GAN: variants seen among roughly 807,000 people sequenced by gnomAD.
GAN encodes the protein gigaxonin.
Under a neutral mutation model 71.3 loss-of-function variants are expected in GAN, and 48 were observed. The ratio of observed to expected loss-of-function variants is 0.67; its 90% CI spans 0.53 to 0.86. GAN has a LOEUF of 0.86. Among genes scored for constraint, GAN ranks in the 40% least tolerant of loss-of-function variants. The pLI is 0.00. For synonymous variants in GAN, 386 were observed against 276.8 expected (o/e 1.39, Z -3.92); for missense variants, 928 against 770.1 (o/e 1.21, Z -2.43).
intron 1 of GAN, among the ~76,000 whole-genome samples, chr16:81,344,413 A>T (rs773925348): frequency 6.6e-6 from 1 of 152,186 alleles, no homozygotes; most frequent in Non-Finnish European, 1.5e-5. Context: ...ACTGGTACCA[A>T]ACAGATATAT....
intron 1 of GAN, among the ~76,000 whole-genome samples, chr16:81,335,691 G>C (rs1366645633): frequency 7.0e-6 from 1 of 142,756 alleles, no homozygotes; most frequent in East Asian, 2.1e-4. Context: ...AGGTTGCAGT[G>C]AGCCAAGATC....
chr16:81,335,688 A>C (rs1213405473), intron 1 of GAN, among the ~76,000 whole-genome samples: 1 of 146,116 alleles, frequency 6.8e-6, no homozygotes, highest in African/African-American at 2.6e-5. Flanking sequence ...CGGAGGTTGC[A>C]GTGAGCCAAG....
intron 5 of GAN, among the ~76,000 whole-genome samples, chr16:81,359,348 T>C (rs1378379192): frequency 6.6e-6 from 1 of 152,024 alleles, no homozygotes; most frequent in East Asian, 1.9e-4. Context: ...TACAGTGGAA[T>C]TGATGGAAAC....
chr16:81,366,879 C>T (rs932120952), intron 9 of GAN, among the ~76,000 whole-genome samples: 2 of 152,078 alleles, frequency 1.3e-5, no homozygotes, highest in Admixed American at 6.5e-5. Flanking sequence ...GGCTAGAGTG[C>T]AGTGGCGTGA....
chr16:81,315,339 CGGCCGGGCCGGGCGT>C, intron 1 of GAN, 59 bp downstream of exon 1: 1 of 1,229,722 alleles, frequency 8.1e-7, no homozygotes, highest in Non-Finnish European at 1.0e-6. Context: ...GGAGGCGGGG[CGGCCGGGCCGGGCGT>C]GGCCCCCAGA....
At chr16:81,359,884 C>G (rs949092604) in intron 5 of GAN, among the ~76,000 whole-genome samples, 3 of 152,224 alleles carry the variant, frequency 2.0e-5, no homozygotes, top group African/African-American at 7.2e-5. Context: ...TGGTCTCTCT[C>G]AAAATATCTT....
Position 81,346,653 on chromosome 16 carries a change from G to C in GAN, c.168-4930G>C, listed in dbSNP as rs562713379. Among the ~76,000 whole-genome samples the C allele has an allele frequency of 2.6e-4, 40 of 152,316 alleles. No individual in the cohort carries two copies. In the South Asian group the frequency reaches 8.1e-3, roughly 31 times the overall value. On this transcript the variant is annotated intron_variant, in intron 1 of 10. Coordinates refer to ENST00000648994, the MANE Select transcript of GAN (RefSeq NM_022041.4). Reference sequence around the variant, plus strand: ...CTTCTGTGGAAAGATTGTCTTCCACGAAACCAGTCCCTGGTGCCAAAAAGG... The same window carrying C: ...CTTCTGTGGAAAGATTGTCTTCCACCAAACCAGTCCCTGGTGCCAAAAAGG...
intron 1 of GAN, among the ~76,000 whole-genome samples, chr16:81,329,986 C>G (rs1049576923): frequency 6.6e-6 from 1 of 152,164 alleles, no homozygotes; most frequent in Non-Finnish European, 1.5e-5. Context: ...ACCAGACTCC[C>G]CAGGAGAAAT....
chr16:81,332,021 C>A (rs762183190), intron 1 of GAN, among the ~76,000 whole-genome samples: 1 of 152,020 alleles, frequency 6.6e-6, no homozygotes, highest in Non-Finnish European at 1.5e-5. Flanking sequence ...ATTAGCCGGG[C>A]ATGGTGGCGC....
At chr16:81,359,318 C>G (rs73589379) in intron 5 of GAN, among the ~76,000 whole-genome samples, 3,041 of 151,102 alleles carry the variant, frequency 0.02, 87 homozygotes, top group African/African-American at 0.07. Flanking sequence ...AGAAACCCAG[C>G]AATGGAAGGA....
At chr16:81,353,825 C>G (rs1910390789) in intron 2 of GAN, among the ~76,000 whole-genome samples, 1 of 152,006 alleles carries the variant, frequency 6.6e-6, no homozygotes, top group Admixed American at 6.5e-5. Flanking sequence ...GGGATTTATT[C>G]CAAAAAGTAG....
Position 81,315,149 on chromosome 16 carries a change from C to T in GAN, c.36C>T (p.His12=), listed in dbSNP as rs775600487. 6.5e-7 allele frequency: 1 copy of T among 1,544,730 alleles called. No homozygotes were observed. Among genetic ancestry groups the T allele is most frequent in the Non-Finnish European group, 8.7e-7 (1 of 1,147,536 alleles). ...AEGSAVSDPQ[H]AARLLRALSS... ...GCAGTGCCGTGTCTGACCCTCAGCA[C>T]GCCGCGCGTCTGCTGCGAGCGCTCA... Residue 12 remains histidine, a synonymous_variant, in exon 1 of 11, where the codon CAC becomes CAT. Coordinates refer to ENST00000648994, the MANE Select transcript of GAN (RefSeq NM_022041.4).
chr16:81,324,649 A>G (rs967297359), intron 1 of GAN, among the ~76,000 whole-genome samples: 8 of 151,922 alleles, frequency 5.3e-5, no homozygotes, highest in African/African-American at 1.9e-4. Flanking sequence ...TTCTGCTGCC[A>G]TGTTGTGTAT....
At chr16:81,339,291 T>G (rs931615997) in intron 1 of GAN, among the ~76,000 whole-genome samples, 3 of 152,318 alleles carry the variant, frequency 2.0e-5, no homozygotes, top group Admixed American at 1.3e-4. Context: ...GCATTAAAGT[T>G]TGAGAAGCAC....
At chr16:81,344,214 C>T (rs1158747013) in intron 1 of GAN, among the ~76,000 whole-genome samples, 1 of 152,182 alleles carries the variant, frequency 6.6e-6, no homozygotes, top group Non-Finnish European at 1.5e-5. Flanking sequence ...TTAATGCTAT[C>T]CCCATCAAGC....
intron 1 of GAN, among the ~76,000 whole-genome samples, chr16:81,336,423 A>T (rs543388950): frequency 6.6e-6 from 1 of 152,280 alleles, no homozygotes; most frequent in Non-Finnish European, 1.5e-5. Context: ...ATTTCATTTA[A>T]GTTGAATGGG....
chr16:81,331,563 C>G (rs1909578024), intron 1 of GAN, among the ~76,000 whole-genome samples: 1 of 152,088 alleles, frequency 6.6e-6, no homozygotes, highest in South Asian at 2.1e-4. Context: ...AACCAAATTC[C>G]TAAGGAGCGG....
intron 9 of GAN, among the ~76,000 whole-genome samples, chr16:81,375,683 G>T (rs1244818485): frequency 6.6e-6 from 1 of 151,882 alleles, no homozygotes; most frequent in African/African-American, 2.4e-5. Context: ...ACATAAAATG[G>T]GGCTGGGTAT....
chr16:81,348,531 G>A (rs1386705530), intron 1 of GAN, among the ~76,000 whole-genome samples: 2 of 152,192 alleles, frequency 1.3e-5, no homozygotes, highest in Non-Finnish European at 1.5e-5. Context: ...CATGTTGCAA[G>A]TATGTGAAGA....
Sources: gnomAD v4.1 joint callset for allele counts (sites outside exome capture counted in the v4.1 genomes callset) on GRCh38, gnomAD v4.1.1 for gene constraint, MANE v1.5 for transcripts, NCBI Gene and HGNC (gene_info 2026-07-23, HGNC 2026-07-21) for gene names.